CDH8: variants seen among roughly 807,000 people sequenced by gnomAD.
The protein encoded by CDH8 is cadherin-8.
CDH8 carries 17 observed loss-of-function variants against 68.1 expected under a neutral mutation model. That is an observed-to-expected ratio of 0.25 (90% CI 0.17 to 0.37). CDH8 has a LOEUF of 0.37. Among genes scored for constraint, CDH8 ranks in the 10% least tolerant of loss-of-function variants. The pLI, the probability that CDH8 is intolerant of heterozygous loss-of-function variation, is 1.00. For synonymous variants in CDH8, 372 were observed against 365.1 expected (o/e 1.02, Z -0.21); for missense variants, 763 against 999.3 (o/e 0.76, Z 3.19).
At chr16:61,698,874 C>T (rs767933771) in intron 10 of CDH8, among the ~76,000 whole-genome samples, 4 of 152,100 alleles carry the variant, frequency 2.6e-5, no homozygotes, top group Non-Finnish European at 4.4e-5. Flanking sequence ...GGGTGATGCT[C>T]TTAAGAAGGA....
rs762614551 is a variant in CDH8, at chr16:61,654,054, A to G, written c.1954T>C (p.Leu652=). 1.1e-5 allele frequency: 17 copies of G among 1,613,928 alleles called. No homozygotes were observed. The Admixed American group carries it at 2.0e-4, about 19-fold the overall frequency. ...ACGTCTTCATCATCTTTGATAATTA[A>G]TGGTTCATTTTTATGCCGCCGTAGA... ...VTLRRHKNEP[L]IIKDDEDVRE... is the part of the protein sequence containing the mutation. The change falls in exon 12 of 12, where the codon TTA becomes CTA. Residue 652 remains leucine (L), a synonymous_variant. Coordinates refer to ENST00000577390, the MANE Select transcript of CDH8 (RefSeq NM_001796.5).
chr16:61,768,658 G>A (rs562480865), intron 8 of CDH8, among the ~76,000 whole-genome samples: 1 of 151,456 alleles, frequency 6.6e-6, no homozygotes, highest in East Asian at 2.0e-4. Context: ...TTTTCACTCT[G>A]CTCTTAACAA....
chr16:61,675,614 A>T (rs527484755), intron 10 of CDH8, among the ~76,000 whole-genome samples: 204 of 84,952 alleles, frequency 2.4e-3, no homozygotes, highest in East Asian at 8.5e-3. Context: ...AAAAATAAAA[A>T]AAATAAAAAA....
chr16:61,726,500 ACTTT>A (rs1363035852), intron 9 of CDH8: 2 of 132,392 alleles, frequency 1.5e-5, no homozygotes, highest in South Asian at 2.3e-4. Flanking sequence ...CCTCTCTCTC[ACTTT>A]CTTTATGTTT....
chr16:61,882,486 C>G (rs1337861172), intron 3 of CDH8, among the ~76,000 whole-genome samples: 3 of 152,196 alleles, frequency 2.0e-5, no homozygotes, highest in Non-Finnish European at 4.4e-5. Flanking sequence ...GCAGGAGACA[C>G]TTTGTGCCTA....
chr16:62,006,648 T>C (rs1419938309), intron 2 of CDH8, among the ~76,000 whole-genome samples: 1 of 152,142 alleles, frequency 6.6e-6, no homozygotes, highest in Non-Finnish European at 1.5e-5. Flanking sequence ...TAAAAATGTA[T>C]TTGCTCACCA....
intron 7 of CDH8, among the ~76,000 whole-genome samples, chr16:61,812,902 C>A (rs1179347160): frequency 6.6e-6 from 1 of 152,098 alleles, no homozygotes; most frequent in East Asian, 1.9e-4. Flanking sequence ...AAGTTTCCTT[C>A]TTTATAAAAC....
intron 8 of CDH8, among the ~76,000 whole-genome samples, chr16:61,769,213 G>A (rs1960714649): frequency 6.6e-6 from 1 of 151,776 alleles, no homozygotes; most frequent in Admixed American, 6.6e-5. Flanking sequence ...GCTTAAAAAT[G>A]TCTCAAAGAC....
At chr16:61,832,303 G>A (rs936354199) in intron 4 of CDH8, among the ~76,000 whole-genome samples, 1 of 151,326 alleles carries the variant, frequency 6.6e-6, no homozygotes, top group Non-Finnish European at 1.5e-5. Flanking sequence ...GATAGATGGG[G>A]AGAGATTTTA....
At chr16:61,893,906 A>C (rs568880896) in intron 3 of CDH8, among the ~76,000 whole-genome samples, 1 of 152,328 alleles carries the variant, frequency 6.6e-6, no homozygotes, top group African/African-American at 2.4e-5. Context: ...CTGTAGATAG[A>C]ATGATGGAAT....
At chr16:61,861,625 A>G (rs1392721985) in intron 3 of CDH8, among the ~76,000 whole-genome samples, 1 of 152,242 alleles carries the variant, frequency 6.6e-6, no homozygotes, top group Non-Finnish European at 1.5e-5. Context: ...ATGTAATCAC[A>G]TGAAGTATAG....
chr16:61,777,576 C>A (rs926850571), intron 8 of CDH8, among the ~76,000 whole-genome samples: 2 of 152,030 alleles, frequency 1.3e-5, no homozygotes, highest in African/African-American at 4.8e-5. Context: ...CATTCTCAAT[C>A]CACGTGTTCT....
At chr16:61,995,615 G>A (rs1364175069) in intron 2 of CDH8, among the ~76,000 whole-genome samples, 1 of 152,178 alleles carries the variant, frequency 6.6e-6, no homozygotes, top group African/African-American at 2.4e-5. Flanking sequence ...CTAATCTTGT[G>A]ATCTGCCTGC....
intron 10 of CDH8, among the ~76,000 whole-genome samples, chr16:61,708,917 C>T (rs1421810453): frequency 1.3e-5 from 2 of 152,134 alleles, no homozygotes; most frequent in Non-Finnish European, 2.9e-5. Flanking sequence ...GAAAACACTT[C>T]CAGTCAACGT....
chr16:61,964,302 A>T (rs1004504974), intron 2 of CDH8, among the ~76,000 whole-genome samples: 2 of 152,198 alleles, frequency 1.3e-5, no homozygotes, highest in Non-Finnish European at 2.9e-5. Flanking sequence ...GGATGGCAGG[A>T]TTCTAACCTG....
In CDH8 at chr16:61,817,429, G is replaced by C. The variant is rs532834411; in HGVS notation, c.1277+50C>G. On this transcript the variant is annotated intron_variant, in intron 7 of 11. Coordinates refer to ENST00000577390, the MANE Select transcript of CDH8 (RefSeq NM_001796.5). ...GGTACAAGCAAAGGCATTTTTCACT[G>C]ATCTGCTTGTCATTTGCAGTAGCCA... 5 of 1,592,768 alleles carry C rather than the reference G, an allele frequency of 3.1e-6. No homozygotes were observed. The South Asian group carries it at 4.4e-5, about 14-fold the overall frequency.
chr16:61,811,441 C>T (rs779336167), intron 7 of CDH8, among the ~76,000 whole-genome samples: 2 of 152,056 alleles, frequency 1.3e-5, no homozygotes, highest in South Asian at 2.1e-4. Context: ...TTCTTATACG[C>T]TGTTGGTGGG....
chr16:61,957,919 G>A (rs1306625429), intron 2 of CDH8, among the ~76,000 whole-genome samples: 2 of 152,106 alleles, frequency 1.3e-5, no homozygotes, highest in African/African-American at 4.8e-5. Flanking sequence ...CTTTAGAACA[G>A]CCACTCAATA....
intron 3 of CDH8, among the ~76,000 whole-genome samples, chr16:61,873,486 A>AT (rs1963407113): frequency 6.6e-6 from 1 of 152,220 alleles, no homozygotes; most frequent in Admixed American, 6.5e-5. Context: ...AACATTACTA[A>AT]TTAACTAGTA....
Sources: gnomAD v4.1 joint callset for allele counts (sites outside exome capture counted in the v4.1 genomes callset) on GRCh38, gnomAD v4.1.1 for gene constraint, MANE v1.5 for transcripts, NCBI Gene and HGNC (gene_info 2026-07-23, HGNC 2026-07-21) for gene names.